The following FSTL5 variants were observed in gnomAD, a reference collection of about 807,000 sequenced individuals.
FSTL5 encodes follistatin like 5.
In FSTL5, 62 loss-of-function variants were observed where a neutral mutation model predicts 89.1. The observed-to-expected ratio is 0.70, with a 90% CI of 0.57 to 0.86. The LOEUF (loss-of-function observed/expected upper bound fraction) is 0.86. Among genes scored for constraint, FSTL5 ranks in the 40% least tolerant of loss-of-function variants. The pLI is 0.00. For synonymous variants in FSTL5, 383 were observed against 346.2 expected, an observed-to-expected ratio of 1.11 and a Z score of -1.18; for missense variants, 1,057 against 1,001.6, an observed-to-expected ratio of 1.06 and a Z score of -0.75.
chr4:161,563,359 T>A (rs1050858223), intron 8 of FSTL5, among the ~76,000 whole-genome samples: 3 of 152,008 alleles, frequency 2.0e-5, no homozygotes, highest in African/African-American at 7.2e-5. Flanking sequence ...TGCTATTTTT[T>A]TAGAAATGAA....
chr4:161,448,339 C>T (rs1447683169), intron 15 of FSTL5, among the ~76,000 whole-genome samples: 2 of 152,058 alleles, frequency 1.3e-5, no homozygotes, highest in African/African-American at 4.8e-5. Context: ...TTCTGCTGTG[C>T]TGGGATTTCA....
At chr4:161,638,617 A>G (rs1735823696) in intron 7 of FSTL5, among the ~76,000 whole-genome samples, 1 of 146,844 alleles carries the variant, frequency 6.8e-6, no homozygotes, top group African/African-American at 2.5e-5. Flanking sequence ...CAATCAATAG[A>G]AAAAGAGGGA....
In FSTL5 at chr4:161,386,389, C is replaced by G. The variant is rs750641663; in HGVS notation, c.1902G>C (p.Met634Ile). 3 of 1,613,572 alleles carry G rather than the reference C, an allele frequency of 1.9e-6. No individual in the cohort carries two copies. In the East Asian group the frequency reaches 6.7e-5, roughly 36 times the overall value. Residue 634 changes from methionine to isoleucine, a missense_variant, in exon 16 of 16, where the codon ATG becomes ATC. This residue lies in a region of FSTL5 where 980 missense variants were observed against 903.2 expected (regional missense o/e 1.08). Transcript: ENST00000306100. ...AALQKIDLET[M>I]SYIKTINLKD... ...TCAAGTTAATTGTCTTGATGTATGACATGGTTTCAAGATCAATTTTTTGTA... is the reference window on the plus strand; with the variant it reads ...TCAAGTTAATTGTCTTGATGTATGAGATGGTTTCAAGATCAATTTTTTGTA...
At position 161,393,723 on chromosome 4, in the gene FSTL5, G is replaced by A. The variant is rs57756274; in HGVS notation, c.1842-7274C>T. Among the ~76,000 whole-genome samples the A allele has an allele frequency of 2.4e-3, 363 of 152,240 alleles. 1 individual carries two copies. Among genetic ancestry groups the A allele is most frequent in the African/African-American group, 8.4e-3 (347 of 41,538 alleles). ...GTAATATGAGGAGAGTAACAATGAA[G>A]CTGTTACCACTGCTGGTCCTGGAAG... On this transcript the variant is annotated intron_variant, in intron 15 of 15. Coordinates refer to ENST00000306100, the MANE Select transcript of FSTL5 (RefSeq NM_020116.5).
Position 161,963,061 on chromosome 4 carries a change from G to T in FSTL5, c.161-42409C>A, listed in dbSNP as rs145143982. 3.3e-5 allele frequency among the ~76,000 whole-genome samples: 5 copies of T among 151,998 alleles called. No individual in the cohort carries two copies. The East Asian group carries it at 9.7e-4, about 29-fold the overall frequency. ...CTCAAACTTACAACTAATATAGGAA[G>T]TATACAAGAGCTCACAGATTTGCTA... On this transcript the variant is annotated intron_variant, in intron 3 of 15. Transcript: ENST00000306100.
At chr4:161,598,562 G>T (rs919186387) in intron 7 of FSTL5, among the ~76,000 whole-genome samples, 4 of 152,100 alleles carry the variant, frequency 2.6e-5, no homozygotes, top group African/African-American at 9.7e-5. Flanking sequence ...AAACTAAGAT[G>T]AAGTGATGTA....
intron 3 of FSTL5, among the ~76,000 whole-genome samples, chr4:161,928,673 T>A: frequency 6.6e-6 from 1 of 151,930 alleles, no homozygotes; most frequent in Non-Finnish European, 1.5e-5. Flanking sequence ...TAACATAAGA[T>A]TGATTGAGCG....
intron 7 of FSTL5, among the ~76,000 whole-genome samples, chr4:161,631,309 C>A (rs530489886): frequency 1.4e-4 from 21 of 152,254 alleles, no homozygotes; most frequent in African/African-American, 5.1e-4. Flanking sequence ...GTCCCCAGTT[C>A]ATAATCTGTT....
In FSTL5 at chr4:161,644,956, G is replaced by T. The variant is rs547595315; in HGVS notation, c.894+11372C>A. ...GATTAGATTTGAGGATAAAATGAGG[G>T]TTAAAACTTAGCCAGACTTGGTTTT... On this transcript the variant is annotated intron_variant, in intron 7 of 15. Coordinates refer to ENST00000306100, the MANE Select transcript of FSTL5 (RefSeq NM_020116.5). Among the ~76,000 whole-genome samples, 47 of 152,118 alleles carry T rather than the reference G, an allele frequency of 3.1e-4. 1 individual carries two copies. The South Asian group carries it at 9.5e-3, about 31-fold the overall frequency.
intron 1 of FSTL5, among the ~76,000 whole-genome samples, chr4:162,145,618 G>A (rs72986985): frequency 0.23 from 35,376 of 151,944 alleles, 4,315 homozygotes; most frequent in Non-Finnish European, 0.26. Flanking sequence ...GGAAAAAAAC[G>A]GAGAATCATG....
intron 8 of FSTL5, among the ~76,000 whole-genome samples, chr4:161,552,157 A>C (rs1732239296): frequency 6.6e-6 from 1 of 151,924 alleles, no homozygotes. Flanking sequence ...TAAGGGGTGG[A>C]GTAAAAACAC....
intron 10 of FSTL5, among the ~76,000 whole-genome samples, chr4:161,536,641 A>G (rs1731627691): frequency 1.3e-5 from 2 of 152,166 alleles, no homozygotes; most frequent in South Asian, 4.1e-4. Context: ...CAACAAGATT[A>G]AACCTTGTCG....
At chr4:162,115,904 G>T (rs1231670890) in intron 1 of FSTL5, among the ~76,000 whole-genome samples, 4 of 152,116 alleles carry the variant, frequency 2.6e-5, no homozygotes, top group African/African-American at 9.7e-5. Context: ...ATATTCTCCA[G>T]AATGTCACTT....
At chr4:162,152,004 T>C (rs1241770462) in intron 1 of FSTL5, among the ~76,000 whole-genome samples, 1 of 152,070 alleles carries the variant, frequency 6.6e-6, no homozygotes, top group African/African-American at 2.4e-5. Flanking sequence ...AGAAGTCCAG[T>C]AGAGTAGCAT....
intron 7 of FSTL5, among the ~76,000 whole-genome samples, chr4:161,591,281 G>T (rs7660164): frequency 4.0e-5 from 6 of 151,892 alleles, no homozygotes; most frequent in African/African-American, 1.5e-4. Context: ...CATAGAAGAC[G>T]GATTTGTGGT....
At chr4:161,639,053 G>A (rs1458925921) in intron 7 of FSTL5, among the ~76,000 whole-genome samples, 1 of 151,594 alleles carries the variant, frequency 6.6e-6, no homozygotes, top group Non-Finnish European at 1.5e-5. Context: ...TACTGAATGG[G>A]CAAAAACTGG....
At chr4:161,673,803 T>G (rs1737203237) in intron 6 of FSTL5, among the ~76,000 whole-genome samples, 1 of 151,942 alleles carries the variant, frequency 6.6e-6, no homozygotes, top group Non-Finnish European at 1.5e-5. Context: ...GATATATTTT[T>G]ATATTCATAT....
intron 6 of FSTL5, among the ~76,000 whole-genome samples, chr4:161,684,168 A>G (rs1269462083): frequency 6.6e-6 from 1 of 151,478 alleles, no homozygotes; most frequent in Non-Finnish European, 1.5e-5. Flanking sequence ...TTCTTTAACC[A>G]CTCGTTGATT....
intron 6 of FSTL5, among the ~76,000 whole-genome samples, chr4:161,725,084 T>C (rs1739351048): frequency 6.6e-6 from 1 of 152,068 alleles, no homozygotes; most frequent in Non-Finnish European, 1.5e-5. Context: ...TAGTCCCAGC[T>C]ACTCAGGAGG....
Sources: allele counts gnomAD v4.1 joint callset (sites outside exome capture counted in the v4.1 genomes callset), GRCh38; gene constraint gnomAD v4.1.1; regional missense constraint gnomAD v4.1.1; transcripts MANE v1.5; gene names NCBI Gene and HGNC (gene_info 2026-07-23, HGNC 2026-07-21).